DCC: variants seen among roughly 807,000 people sequenced by gnomAD.
DCC encodes netrin receptor DCC.
DCC carries 58 observed loss-of-function variants against 172.5 expected under a neutral mutation model. The ratio of observed to expected loss-of-function variants is 0.34; its 90% confidence interval spans 0.27 to 0.42. The LOEUF is 0.42. DCC is among the 10% of genes least tolerant of loss of function. The pLI is 1.00. For missense variants in DCC, 1,740 were observed against 1,791.0 expected, an observed-to-expected ratio of 0.97 and a Z score of 0.51; for synonymous variants, 709 against 644.5, an observed-to-expected ratio of 1.10 and a Z score of -1.52.
chr18:53,012,597 A>G (rs2041746264), intron 5 of DCC, among the ~76,000 whole-genome samples: 3 of 152,092 alleles, frequency 2.0e-5, no homozygotes, highest in Non-Finnish European at 2.9e-5. Context: ...AGACATATAC[A>G]TAAATATACA....
At chr18:52,723,171 G>T (rs2036498988) in intron 1 of DCC, among the ~76,000 whole-genome samples, 1 of 152,234 alleles carries the variant, frequency 6.6e-6, no homozygotes, top group African/African-American at 2.4e-5. Flanking sequence ...TTTGTCTGCA[G>T]TGATCTGAAC....
chr18:53,240,026 TAAAAAAAAAAAAAAA>T (rs68158437), intron 12 of DCC, among the ~76,000 whole-genome samples: 1 of 69,072 alleles, frequency 1.4e-5, no homozygotes, highest in African/African-American at 4.7e-5. Flanking sequence ...GTTCTAGAGT[TAAAAAAAAAAAAAAA>T]AAAAAAAAAC....
In DCC at chr18:52,936,220, C is replaced by T. The variant is rs377694437; in HGVS notation, c.985+10850C>T. Among the ~76,000 whole-genome samples the T allele has an allele frequency of 5.4e-4, 31 of 57,242 alleles. 4 individuals carry two copies. Among genetic ancestry groups the T allele is most frequent in the African/African-American group, 1.5e-3 (28 of 18,920 alleles). The allele number at this position is 57,242 out of a possible 152,430, so 37.6% of individuals were successfully genotyped here. On this transcript the variant is annotated intron_variant, in intron 5 of 28. Coordinates refer to ENST00000442544, the MANE Select transcript of DCC (RefSeq NM_005215.4). ...TTTCCTCAGCTGAAACTCTGGTTGT[C>T]AAAAGGTATGCAAAATTAAGTGCAA...
chr18:53,056,673 C>T (rs1023203434), intron 5 of DCC, among the ~76,000 whole-genome samples: 1 of 151,952 alleles, frequency 6.6e-6, no homozygotes, highest in Non-Finnish European at 1.5e-5. Flanking sequence ...TCCAGTATTT[C>T]AACAAAAATG....
intron 15 of DCC, among the ~76,000 whole-genome samples, chr18:53,361,953 A>C (rs1358226908): frequency 6.6e-6 from 1 of 152,206 alleles, no homozygotes; most frequent in African/African-American, 2.4e-5. Context: ...AGGGAATTCT[A>C]TAAAAGTATT....
At chr18:52,574,522 A>G (rs1351645168) in intron 1 of DCC, among the ~76,000 whole-genome samples, 1 of 152,196 alleles carries the variant, frequency 6.6e-6, no homozygotes, top group East Asian at 1.9e-4. Context: ...GTTCTTTAGA[A>G]TTAAATGTAG....
intron 5 of DCC, among the ~76,000 whole-genome samples, chr18:53,059,000 G>A (rs1031560342): frequency 3.3e-5 from 5 of 152,050 alleles, no homozygotes; most frequent in African/African-American, 9.7e-5. Flanking sequence ...TTGACTCACA[G>A]TTCAGCATGG....
intron 1 of DCC, among the ~76,000 whole-genome samples, chr18:52,664,787 C>G (rs1445824473): frequency 6.6e-6 from 1 of 152,088 alleles, no homozygotes; most frequent in African/African-American, 2.4e-5. Context: ...CCCCAAAAAT[C>G]TTAATGCAAA....
chr18:52,497,196 G>C (rs891477555), intron 1 of DCC, among the ~76,000 whole-genome samples: 2 of 147,348 alleles, frequency 1.4e-5, no homozygotes, highest in African/African-American at 5.0e-5. Context: ...AGGAATTTGA[G>C]GCTGCAGTTA....
intron 27 of DCC, among the ~76,000 whole-genome samples, chr18:53,519,286 T>G (rs1308890654): frequency 6.6e-6 from 1 of 152,134 alleles, no homozygotes; most frequent in African/African-American, 2.4e-5. Flanking sequence ...CCTCAGTATC[T>G]GGAATATTTA....
chr18:52,971,656 A>G (rs768033010), intron 5 of DCC, among the ~76,000 whole-genome samples: 17 of 152,036 alleles, frequency 1.1e-4, no homozygotes, highest in Non-Finnish European at 5.9e-5. Context: ...GTGGTTTTCA[A>G]TGGTTAATTC....
intron 9 of DCC, among the ~76,000 whole-genome samples, chr18:53,188,806 T>C (rs149489606): frequency 7.8e-4 from 119 of 152,284 alleles, no homozygotes; most frequent in Middle Eastern, 3.4e-3. Flanking sequence ...TGGTGGCTTC[T>C]GGCAATCCTT....
intron 26 of DCC, among the ~76,000 whole-genome samples, chr18:53,492,171 A>T (rs73462928): frequency 0.051 from 7,734 of 152,084 alleles, 579 homozygotes; most frequent in African/African-American, 0.16. Flanking sequence ...TTTTTATTGT[A>T]AATTTGTTTA....
intron 15 of DCC, among the ~76,000 whole-genome samples, chr18:53,348,753 A>T (rs547170268): frequency 4.6e-5 from 7 of 152,260 alleles, no homozygotes; most frequent in Middle Eastern, 3.4e-3. Flanking sequence ...CACTGAAACC[A>T]TGGCCCTATC....
chr18:53,218,185 T>C (rs1296757421), intron 12 of DCC, among the ~76,000 whole-genome samples: 1 of 152,142 alleles, frequency 6.6e-6, no homozygotes, highest in East Asian at 1.9e-4. Context: ...ACTTGGGATT[T>C]TAAGATGGAA....
chr18:53,384,389 C>G (rs1907985980), intron 15 of DCC, among the ~76,000 whole-genome samples: 1 of 151,932 alleles, frequency 6.6e-6, no homozygotes, highest in Non-Finnish European at 1.5e-5. Context: ...TTTAAATCAG[C>G]AGATTTTTTA....
chr18:52,612,163 G>T (rs992324065), intron 1 of DCC, among the ~76,000 whole-genome samples: 1 of 152,078 alleles, frequency 6.6e-6, no homozygotes, highest in Non-Finnish European at 1.5e-5. Flanking sequence ...AATTAATCTG[G>T]TATAATTTGC....
At chr18:52,579,073 A>G (rs1406560439) in intron 1 of DCC, among the ~76,000 whole-genome samples, 1 of 152,236 alleles carries the variant, frequency 6.6e-6, no homozygotes, top group Non-Finnish European at 1.5e-5. Flanking sequence ...TTATCCTATA[A>G]TATGTAATAA....
rs1183781742 is a variant in DCC at position 53,346,497 on chromosome 18, A to T, written c.2359+6590A>T. 2.0e-5 allele frequency among the ~76,000 whole-genome samples: 3 copies of T among 151,978 alleles called. 1 individual carries two copies. Among genetic ancestry groups the T allele is most frequent in the African/African-American group, 7.2e-5 (3 of 41,380 alleles). On this transcript the variant is annotated intron_variant, in intron 15 of 28. Transcript: ENST00000442544. ...TTTTAACCTTTTTACTCTTTTCTTG[A>T]TATTGAGTGATTTATCCTGTTCTAT...
Sources: gnomAD v4.1 joint callset for allele counts (sites outside exome capture counted in the v4.1 genomes callset) on GRCh38, gnomAD v4.1.1 for gene constraint, MANE v1.5 for transcripts, NCBI Gene and HGNC (gene_info 2026-07-23, HGNC 2026-07-21) for gene names.